HMGCLL1: variants seen among roughly 807,000 people sequenced by gnomAD.
The protein encoded by HMGCLL1 is 3-hydroxy-3-methylglutaryl-CoA lyase like 1.
HMGCLL1 carries 36 observed loss-of-function variants against 39.1 expected under a neutral mutation model. That is an observed-to-expected ratio of 0.92 (90% CI 0.71 to 1.22). The LOEUF (loss-of-function observed/expected upper bound fraction) is 1.22. Ranked by LOEUF, HMGCLL1 falls within the 50% of genes most tolerant of loss-of-function variation. HMGCLL1 has a pLI of 0.00. For missense variants in HMGCLL1, 451 were observed against 416.5 expected (o/e 1.08, Z -0.72); for synonymous variants, 149 against 144.0 (o/e 1.03, Z -0.25).
At chr6:55,570,957 G>A (rs562993947) in intron 1 of HMGCLL1, among the ~76,000 whole-genome samples, 165 of 152,272 alleles carry the variant, frequency 1.1e-3, no homozygotes, top group East Asian at 5.2e-3. Context: ...AGAGCCAAGC[G>A]AAAGGGGAAA....
chr6:55,585,000 T>A, the HMGCLL1 span, among the ~76,000 whole-genome samples: 1 of 152,002 alleles, frequency 6.6e-6, no homozygotes, highest in South Asian at 2.1e-4. Context: ...TGCTGAAAAT[T>A]TTAGATAACT....
the HMGCLL1 span, among the ~76,000 whole-genome samples, chr6:55,588,582 C>CA: frequency 5.1e-3 from 775 of 151,878 alleles, 7 homozygotes; most frequent in African/African-American, 0.017. Flanking sequence ...GTTAGAGACA[C>CA]AAAAAACCCT....
the HMGCLL1 span, among the ~76,000 whole-genome samples, chr6:55,666,097 A>G: frequency 2.1e-3 from 323 of 151,798 alleles, 1 homozygote; most frequent in African/African-American, 7.4e-3. Flanking sequence ...TCAGCTCACA[A>G]GCTTTTCCCC....
At chr6:55,631,619 G>A in the HMGCLL1 span, among the ~76,000 whole-genome samples, 10 of 152,066 alleles carry the variant, frequency 6.6e-5, no homozygotes, top group Middle Eastern at 3.4e-3. Context: ...GAACTAGAGC[G>A]CACTGTTTCT....
rs184198671 is a variant in HMGCLL1, at chr6:55,552,487, A to C, written c.109-10347T>G. Among the ~76,000 whole-genome samples the C allele has an allele frequency of 1.1e-3, 172 of 152,148 alleles. 1 individual carries two copies. Among genetic ancestry groups the C allele is most frequent in the African/African-American group, 4.0e-3 (167 of 41,410 alleles). ...ATATTTTCCATCCCTAGTATAGTGA[A>C]AAATTCTATTACCACTCTGTACCTC... On this transcript the variant is annotated intron_variant, in intron 1 of 8. Coordinates refer to ENST00000274901, the MANE Select transcript of HMGCLL1 (RefSeq NM_001042406.2).
At chr6:55,449,687 C>T (rs981685354) in intron 7 of HMGCLL1, among the ~76,000 whole-genome samples, 5 of 152,178 alleles carry the variant, frequency 3.3e-5, no homozygotes, top group South Asian at 2.1e-4. Flanking sequence ...GAACGTTTTA[C>T]GATTTTATTG....
At chr6:55,663,337 C>T in the HMGCLL1 span, among the ~76,000 whole-genome samples, 1 of 150,136 alleles carries the variant, frequency 6.7e-6, no homozygotes, top group South Asian at 2.1e-4. Context: ...ATAAATTTCC[C>T]TCTTAACACT....
the HMGCLL1 span, among the ~76,000 whole-genome samples, chr6:55,623,555 C>CAT: frequency 4.6e-5 from 7 of 151,544 alleles, no homozygotes; most frequent in East Asian, 3.9e-4. Flanking sequence ...TATACATACA[C>CAT]ATATATATAC....
At chr6:55,576,304 C>T (rs1379309475) in intron 1 of HMGCLL1, among the ~76,000 whole-genome samples, 2 of 151,998 alleles carry the variant, frequency 1.3e-5, no homozygotes, top group African/African-American at 4.8e-5. Flanking sequence ...GGAAGGTAAG[C>T]AAACACTGTG....
chr6:55,658,940 AG>A, the HMGCLL1 span, among the ~76,000 whole-genome samples: 1 of 151,892 alleles, frequency 6.6e-6, no homozygotes, highest in Admixed American at 6.6e-5. Context: ...AAATTTGTAA[AG>A]ATCATTCTGA....
At chr6:55,568,842 G>A (rs1771336504) in intron 1 of HMGCLL1, among the ~76,000 whole-genome samples, 1 of 145,696 alleles carries the variant, frequency 6.9e-6, no homozygotes. Flanking sequence ...TTGATTAGGG[G>A]AAGTAAAATG....
intron 3 of HMGCLL1, among the ~76,000 whole-genome samples, chr6:55,539,060 A>G (rs1435859551): frequency 6.6e-6 from 1 of 152,200 alleles, no homozygotes; most frequent in East Asian, 1.9e-4. Context: ...ACGCAGAAAT[A>G]CAGATACACA....
At chr6:55,563,338 A>C (rs1173255077) in intron 1 of HMGCLL1, among the ~76,000 whole-genome samples, 1 of 152,104 alleles carries the variant, frequency 6.6e-6, no homozygotes, top group African/African-American at 2.4e-5. Flanking sequence ...TATAGACCAA[A>C]TATAATTATG....
the HMGCLL1 span, among the ~76,000 whole-genome samples, chr6:55,650,727 T>C: frequency 1.3e-5 from 2 of 152,202 alleles, no homozygotes; most frequent in Admixed American, 6.5e-5. Context: ...TATTCTACTG[T>C]TGTTAAGCTG....
At chr6:55,528,052 T>C (rs1462591439) in intron 3 of HMGCLL1, among the ~76,000 whole-genome samples, 1 of 152,088 alleles carries the variant, frequency 6.6e-6, no homozygotes, top group Non-Finnish European at 1.5e-5. Context: ...TATAGATTGC[T>C]AAATAATTTT....
At chr6:55,634,930 A>G in the HMGCLL1 span, among the ~76,000 whole-genome samples, 18 of 152,300 alleles carry the variant, frequency 1.2e-4, no homozygotes, top group African/African-American at 4.3e-4. Context: ...AGCAACTGAG[A>G]CAGCTTATTA....
chr6:55,540,743 T>C (rs544146788), intron 3 of HMGCLL1, among the ~76,000 whole-genome samples: 2 of 152,258 alleles, frequency 1.3e-5, no homozygotes, highest in East Asian at 1.9e-4. Context: ...GGGTGGACAA[T>C]GAGTTTGATT....
intron 7 of HMGCLL1, among the ~76,000 whole-genome samples, chr6:55,463,663 A>G (rs889385607): frequency 6.6e-6 from 1 of 152,182 alleles, no homozygotes; most frequent in South Asian, 2.1e-4. Flanking sequence ...CTAAATGTCT[A>G]CTTTCCTCTT....
At chr6:55,507,991 G>C (rs1448265167) in intron 5 of HMGCLL1, among the ~76,000 whole-genome samples, 1 of 151,644 alleles carries the variant, frequency 6.6e-6, no homozygotes, top group African/African-American at 2.4e-5. Flanking sequence ...TGATTGATGA[G>C]TGAAGAAGTG....
Sources: gnomAD v4.1 joint callset for allele counts (sites outside exome capture counted in the v4.1 genomes callset) on GRCh38, gnomAD v4.1.1 for gene constraint, MANE v1.5 for transcripts, NCBI Gene and HGNC (gene_info 2026-07-23, HGNC 2026-07-21) for gene names.